Variants in DCC observed in about 807,000 individuals in gnomAD.
DCC encodes netrin receptor DCC.
In DCC, 58 loss-of-function variants were observed where a neutral mutation model predicts 172.5. The ratio of observed to expected loss-of-function variants is 0.34; its 90% CI spans 0.27 to 0.42. The LOEUF (loss-of-function observed/expected upper bound fraction) is 0.42, where lower values mean the gene tolerates loss of function less well. DCC is among the 10% of genes least tolerant of loss of function. The pLI is 1.00. For synonymous variants in DCC, 709 were observed against 644.5 expected, an observed-to-expected ratio of 1.10 and a Z score of -1.52; for missense variants, 1,740 against 1,791.0, an observed-to-expected ratio of 0.97 and a Z score of 0.51.
At chr18:52,908,942 T>C (rs370755079) in intron 3 of DCC, among the ~76,000 whole-genome samples, 1 of 152,184 alleles carries the variant, frequency 6.6e-6, no homozygotes, top group African/African-American at 2.4e-5. Context: ...GTTATTGTCA[T>C]ACTTGGCTAA....
At chr18:53,509,542 T>TATGAGGTAGTTTGGATTTTG (rs1217479467) in intron 27 of DCC, among the ~76,000 whole-genome samples, 2 of 152,140 alleles carry the variant, frequency 1.3e-5, no homozygotes, top group Non-Finnish European at 2.9e-5. Flanking sequence ...CAGATTAGAT[T>TATGAGGTAGTTTGGATTTTG]ATGAGGTAGT....
chr18:52,657,101 C>G (rs2035270084), intron 1 of DCC, among the ~76,000 whole-genome samples: 1 of 152,144 alleles, frequency 6.6e-6, no homozygotes, highest in African/African-American at 2.4e-5. Flanking sequence ...AAGTGAGTGA[C>G]CCAGTATTGT....
intron 22 of DCC, 40 bp from the exon 23 acceptor site, chr18:53,450,460 T>A: frequency 6.2e-7 from 1 of 1,611,736 alleles, no homozygotes; most frequent in Non-Finnish European, 8.5e-7. Context: ...TTCTGCCACA[T>A]CTTCCTAAAC....
chr18:53,313,919 G>A (rs1263491869), intron 13 of DCC, among the ~76,000 whole-genome samples: 1 of 152,172 alleles, frequency 6.6e-6, no homozygotes, highest in Non-Finnish European at 1.5e-5. Context: ...GACCAATCAT[G>A]TATTCTGCGC....
chr18:53,254,821 A>C (rs2056483867), intron 12 of DCC, among the ~76,000 whole-genome samples: 1 of 152,108 alleles, frequency 6.6e-6, no homozygotes. Flanking sequence ...TTGTGAGATT[A>C]TTAATGCTGT....
At chr18:52,656,272 A>G (rs2035253308) in intron 1 of DCC, among the ~76,000 whole-genome samples, 1 of 151,944 alleles carries the variant, frequency 6.6e-6, no homozygotes, top group Non-Finnish European at 1.5e-5. Flanking sequence ...AGTCTTCATG[A>G]ATATGATTCG....
At chr18:52,564,862 G>A (rs200698650) in intron 1 of DCC, among the ~76,000 whole-genome samples, 4 of 152,070 alleles carry the variant, frequency 2.6e-5, no homozygotes, top group Non-Finnish European at 5.9e-5. Context: ...GTACATGAGC[G>A]CAGATTGCTT....
chr18:52,937,354 A>C (rs769839333), intron 5 of DCC, among the ~76,000 whole-genome samples: 8 of 152,190 alleles, frequency 5.3e-5, no homozygotes, highest in Non-Finnish European at 1.0e-4. Flanking sequence ...AAGCAATGGC[A>C]AAAACACAAT....
chr18:52,422,670 G>A (rs1987288652), intron 1 of DCC, among the ~76,000 whole-genome samples: 1 of 152,176 alleles, frequency 6.6e-6, no homozygotes, highest in African/African-American at 2.4e-5. Flanking sequence ...ATTACCAGAT[G>A]TGCAATGCAA....
intron 1 of DCC, among the ~76,000 whole-genome samples, chr18:52,596,438 A>T (rs73957935): frequency 0.044 from 6,733 of 152,280 alleles, 502 homozygotes; most frequent in African/African-American, 0.15. Flanking sequence ...TCAAAGCGTG[A>T]TCACTGAACC....
intron 2 of DCC, among the ~76,000 whole-genome samples, chr18:52,895,495 T>A (rs2039715083): frequency 6.6e-6 from 1 of 152,190 alleles, no homozygotes; most frequent in Non-Finnish European, 1.5e-5. Context: ...GAATAGAGTA[T>A]TAGAAACATT....
At chr18:52,420,387 C>A (rs1176872143) in intron 1 of DCC, among the ~76,000 whole-genome samples, 1 of 152,146 alleles carries the variant, frequency 6.6e-6, no homozygotes, top group Non-Finnish European at 1.5e-5. Context: ...CTTGATCTAA[C>A]CAGTTGAGGA....
chr18:53,340,162 C>T (rs1271566830), intron 15 of DCC, among the ~76,000 whole-genome samples: 1 of 151,952 alleles, frequency 6.6e-6, no homozygotes, highest in Non-Finnish European at 1.5e-5. Flanking sequence ...ATGGCAGTTG[C>T]TCTGGTGTGT....
rs1242819472 is a variant in DCC at position 53,179,195 on chromosome 18, C to T, written c.1573+79C>T. On this transcript the variant is annotated intron_variant, in intron 9 of 28. Coordinates refer to ENST00000442544, the MANE Select transcript of DCC (RefSeq NM_005215.4). ...ATATCCTTGAATTCTTTCACAGAAC[C>T]TTTGCGAAGTGACAAAAGCGAAGAA... 1.1e-5 allele frequency: 16 copies of T among 1,409,078 alleles called. No homozygotes were observed. The East Asian group carries it at 1.2e-4, about 11-fold the overall frequency. 87.3% of individuals were successfully genotyped at this position (1,409,078 alleles called of 1,614,324 possible).
At chr18:52,491,068 A>G (rs536746407) in intron 1 of DCC, among the ~76,000 whole-genome samples, 1 of 152,208 alleles carries the variant, frequency 6.6e-6, no homozygotes, top group East Asian at 1.9e-4. Context: ...CTTCACTCTT[A>G]TATGGAGCCT....
chr18:52,938,671 C>T, intron 5 of DCC, among the ~76,000 whole-genome samples: 1 of 152,032 alleles, frequency 6.6e-6, no homozygotes, highest in South Asian at 2.1e-4. Flanking sequence ...ATATATAATA[C>T]ATATGAAAAC....
At chr18:53,328,379 G>A (rs930197163) in intron 14 of DCC, among the ~76,000 whole-genome samples, 7 of 152,160 alleles carry the variant, frequency 4.6e-5, no homozygotes, top group Non-Finnish European at 8.8e-5. Context: ...TTTCTCATGT[G>A]TAAAGAGGGC....
chr18:52,833,276 A>C (rs550182828), intron 2 of DCC, among the ~76,000 whole-genome samples: 1 of 152,138 alleles, frequency 6.6e-6, no homozygotes, highest in African/African-American at 2.4e-5. Flanking sequence ...CTCAAACCCA[A>C]AGATCCTTGG....
At chr18:53,410,403 C>A in intron 19 of DCC, 49 bp from the exon 20 acceptor site, 1 of 1,156,002 alleles carries the variant, frequency 8.7e-7, no homozygotes, top group Non-Finnish European at 1.3e-6. Context: ...GGAAGCAGAA[C>A]TGCAGCGTGT....
Sources: allele counts gnomAD v4.1 joint callset (sites outside exome capture counted in the v4.1 genomes callset), GRCh38; gene constraint gnomAD v4.1.1; transcripts MANE v1.5; gene names NCBI Gene and HGNC (gene_info 2026-07-23, HGNC 2026-07-21).